Variants in C1orf94 observed in about 807,000 individuals in gnomAD.
C1orf94 encodes the protein uncharacterized protein C1orf94.
A neutral mutation model predicts 53.6 loss-of-function variants in C1orf94; 45 were observed. That is an observed-to-expected ratio of 0.84 (90% CI 0.66 to 1.08). The LOEUF is 1.08. Among genes scored for constraint, C1orf94 ranks in the 50% least tolerant of loss-of-function variants. C1orf94 has a pLI of 0.00. For synonymous variants in C1orf94, 304 were observed against 296.1 expected, an observed-to-expected ratio of 1.03 and a Z score of -0.27; for missense variants, 762 against 738.9, an observed-to-expected ratio of 1.03 and a Z score of -0.36.
At chr1:34,174,692 C>T (rs1642196241), upstream of C1orf94, among the ~76,000 whole-genome samples, 1 of 152,134 alleles carries the variant, frequency 6.6e-6, no homozygotes, top group Non-Finnish European at 1.5e-5. Context: ...CTAACAATGC[C>T]AACATCTTGG....
intron 5 of C1orf94, among the ~76,000 whole-genome samples, chr1:34,211,341 G>T (rs148986357): frequency 6.6e-6 from 1 of 152,038 alleles, no homozygotes; most frequent in African/African-American, 2.4e-5. Flanking sequence ...TGTGTCCCAG[G>T]CACTGTCTTA....
chr1:34,176,255 A>G (rs575463953), upstream of C1orf94, among the ~76,000 whole-genome samples: 4 of 152,038 alleles, frequency 2.6e-5, no homozygotes, highest in Non-Finnish European at 5.9e-5. Flanking sequence ...ATCTTCCTCT[A>G]TTTGTGTCCA....
chr1:34,218,976 T>C lies in C1orf94; in HGVS notation c.*215T>C, dbSNP rs6698707. On this transcript the variant is annotated 3_prime_UTR_variant, in exon 7 of 7. Coordinates refer to ENST00000488417, the MANE Select transcript of C1orf94 (RefSeq NM_001134734.2). ...CAAGCTACACACACACACACACACA[T>C]GACCCTCATATTCATACTTGCTTGC... 31 of 96,364 alleles carry C rather than the reference T, an allele frequency of 3.2e-4. No homozygotes were observed. The highest frequency in any genetic ancestry group is 6.5e-4 in the East Asian group (4 of 6,182). 6.0% of individuals were successfully genotyped at this position (96,364 alleles called of 1,614,324 possible). A position where few individuals can be genotyped will look rare whatever the true frequency, so the allele number is the denominator to read the frequency against.
chr1:34,171,180 T>C (rs1231535748), intron 1 of C1orf94, among the ~76,000 whole-genome samples: 1 of 152,110 alleles, frequency 6.6e-6, no homozygotes. Context: ...TAGCCTCAGA[T>C]CTCCCTATTC....
At chr1:34,179,406 G>A (rs1272452958) in intron 1 of C1orf94, among the ~76,000 whole-genome samples, 1 of 152,254 alleles carries the variant, frequency 6.6e-6, no homozygotes, top group Non-Finnish European at 1.5e-5. Flanking sequence ...GCTCTCAATG[G>A]CCAAGAAGCT....
At chr1:34,194,977 G>T (rs1642556309) in intron 1 of C1orf94, among the ~76,000 whole-genome samples, 1 of 152,136 alleles carries the variant, frequency 6.6e-6, no homozygotes, top group Non-Finnish European at 1.5e-5. Flanking sequence ...TGAGACCGCA[G>T]ATTGGCAGCC....
chr1:34,176,270 T>C (rs1198471270), upstream of C1orf94, among the ~76,000 whole-genome samples: 2 of 152,162 alleles, frequency 1.3e-5, no homozygotes, highest in Admixed American at 6.5e-5. Flanking sequence ...TGTCCATTCT[T>C]CTTTCTTCCG....
At chr1:34,189,237 G>T (rs1368103219) in intron 1 of C1orf94, among the ~76,000 whole-genome samples, 1 of 152,006 alleles carries the variant, frequency 6.6e-6, no homozygotes, top group Non-Finnish European at 1.5e-5. Context: ...CATGGCTGTG[G>T]TATGTGGGCA....
intron 1 of C1orf94, 61 bp downstream of exon 1, chr1:34,178,170 C>G: frequency 2.0e-6 from 3 of 1,488,770 alleles, no homozygotes; most frequent in South Asian, 2.6e-5. Context: ...GTCTGACCTT[C>G]TGGGGGAATG....
chr1:34,171,166 C>T (rs1642140465), intron 1 of C1orf94, among the ~76,000 whole-genome samples: 1 of 152,150 alleles, frequency 6.6e-6, no homozygotes, highest in African/African-American at 2.4e-5. Context: ...CCTGCCAGCC[C>T]CTCTAGCCTC....
intron 1 of C1orf94, among the ~76,000 whole-genome samples, chr1:34,196,966 G>A (rs956804186): frequency 1.3e-5 from 2 of 152,198 alleles, no homozygotes; most frequent in Non-Finnish European, 2.9e-5. Flanking sequence ...GCTGTGACTT[G>A]CCCCAGCTCA....
rs919336872 is a variant in C1orf94 at position 34,218,710 on chromosome 1, C to T, written c.1746C>T (p.Pro582=). Residue 582 remains proline, a synonymous_variant, in exon 7 of 7, where the codon CCC becomes CCT. Coordinates refer to ENST00000488417, the MANE Select transcript of C1orf94 (RefSeq NM_001134734.2). The stretch of plus-strand genomic sequence containing the variant: ...GGTTCGGCTCGACATCCGGAGGGCC[C>T]TTGATGCACAGCCCCTATTTTTCTT... ...GYGFGSTSGG[P]LMHSPYFSSS... 20 of 1,612,572 alleles carry T rather than the reference C, an allele frequency of 1.2e-5. No individual in the cohort carries two copies. The highest frequency in any genetic ancestry group is 1.7e-5 in the Non-Finnish European group (20 of 1,179,076).
chr1:34,185,843 G>T (rs552007804), intron 1 of C1orf94, among the ~76,000 whole-genome samples: 1 of 152,192 alleles, frequency 6.6e-6, no homozygotes. Flanking sequence ...AGGGGTCTCT[G>T]TAGTGGCCCT....
At chr1:34,179,817 G>A (rs1642288825) in intron 1 of C1orf94, among the ~76,000 whole-genome samples, 1 of 152,178 alleles carries the variant, frequency 6.6e-6, no homozygotes, top group Admixed American at 6.5e-5. Context: ...TGCTTCAGGG[G>A]TCACTGTGGA....
intron 6 of C1orf94, 54 bp from the exon 7 acceptor site, chr1:34,218,632 C>A (rs1643028353): frequency 5.0e-6 from 7 of 1,394,744 alleles, no homozygotes; most frequent in Non-Finnish European, 6.0e-6. Flanking sequence ...TTTTCTAATT[C>A]TCTCCGATAA....
At chr1:34,185,728 T>C (rs1358461153) in intron 1 of C1orf94, among the ~76,000 whole-genome samples, 1 of 152,222 alleles carries the variant, frequency 6.6e-6, no homozygotes, top group African/African-American at 2.4e-5. Context: ...CCCTCCAGGA[T>C]GCCCTCCACC....
intron 1 of C1orf94, among the ~76,000 whole-genome samples, chr1:34,178,974 A>AC (rs1642272834): frequency 2.6e-5 from 4 of 152,248 alleles, no homozygotes; most frequent in Non-Finnish European, 5.9e-5. Flanking sequence ...AGTGTTAATA[A>AC]TTAAGAGCTA....
chr1:34,197,298 G>A lies in C1orf94; in HGVS notation c.394G>A (p.Glu132Lys). 1 of 1,555,130 alleles carries A rather than the reference G, an allele frequency of 6.4e-7. No homozygotes were observed. The highest frequency in any genetic ancestry group is 8.7e-7 in the Non-Finnish European group (1 of 1,148,690). The change falls in exon 2 of 7, where the codon GAG (glutamate) becomes AAG (lysine). Residue 132 changes from glutamate (E) to lysine (K), a missense_variant. Physicochemically the swap from Glu to Lys is moderately conservative, Grantham distance 56. Transcript: ENST00000488417. The surrounding 1 kb of genome is among the most constrained non-coding windows in gnomAD (Gnocchi z 4.1). ...ACAGGAGTTCCTAAGCCTCACCAAAGAGCACTCGATCCTGGTCGAAGAGAG... is the reference window on the plus strand; with the variant it reads ...ACAGGAGTTCCTAAGCCTCACCAAAAAGCACTCGATCCTGGTCGAAGAGAG... Reference protein sequence around the residue: ...VEQEFLSLTKEHSILVEESSG... With the variant: ...VEQEFLSLTKKHSILVEESSG...
Position 34,197,754 on chromosome 1 carries a change from A to C in C1orf94, c.850A>C (p.Thr284Pro), listed in dbSNP as rs1478515445. The change falls in exon 2 of 7, where the codon ACA becomes CCA. Residue 284 changes from threonine (T) to proline (P), a missense_variant. Coordinates refer to ENST00000488417, the MANE Select transcript of C1orf94 (RefSeq NM_001134734.2). This position sits in a 1 kb window ranked among gnomAD's most constrained non-coding sequence, Gnocchi z 4.1. ...CAGTGGCCCTGGACCCAAGGAGCCC[A>C]CAGGGCTGAGCCCATTTCTGCTGCT... ...LFSGPGPKEP[T>P]GLSPFLLLPP... The C allele has an allele frequency of 1.9e-6, 3 of 1,614,154 alleles. No homozygotes were observed. The South Asian group carries it at 3.3e-5, about 18-fold the overall frequency.
Sources: gnomAD v4.1 joint callset for allele counts (sites outside exome capture counted in the v4.1 genomes callset) on GRCh38, gnomAD v4.1.1 for gene constraint, Gnocchi (gnomAD v3.1) non-coding constraint, MANE v1.5 for transcripts, NCBI Gene and HGNC (gene_info 2026-07-23, HGNC 2026-07-21) for gene names.